SLC25A48: variants seen among roughly 807,000 people sequenced by gnomAD.
SLC25A48 encodes solute carrier family 25 member 48, also known as CTC-321K16.1.
In SLC25A48, 29 loss-of-function variants were observed where a neutral mutation model predicts 32.2. The observed-to-expected ratio is 0.90, with a 90% CI of 0.67 to 1.23. The LOEUF (loss-of-function observed/expected upper bound fraction) is 1.23. Ranked by LOEUF, SLC25A48 falls within the 50% of genes most tolerant of loss-of-function variation. The pLI is 0.00. For synonymous variants in SLC25A48, 164 were observed against 172.3 expected (o/e 0.95, Z 0.38); for missense variants, 399 against 422.7 (o/e 0.94, Z 0.49).
intron 1 of SLC25A48, among the ~76,000 whole-genome samples, chr5:135,620,274 G>A (rs899345750): frequency 6.6e-6 from 1 of 152,166 alleles, no homozygotes; most frequent in African/African-American, 2.4e-5. Context: ...TGGTGGGCTA[G>A]GCTGGGCAAT....
At position 135,849,661 on chromosome 5, in the gene SLC25A48, A is replaced by T. The variant is rs576067844; in HGVS notation, c.91-764A>T. 3.3e-5 allele frequency among the ~76,000 whole-genome samples: 5 copies of T among 152,240 alleles called. No individual in the cohort carries two copies. In the South Asian group the frequency reaches 1.0e-3, roughly 32 times the overall value. The stretch of plus-strand genomic sequence containing the variant: ...GTCCTACATAAACTCTATATAATCA[A>T]ATACATAGGGCCACTGCGACATTTC... On this transcript the variant is annotated intron_variant, in intron 2 of 7. Coordinates refer to ENST00000681962, the MANE Select transcript of SLC25A48 (RefSeq NM_001349336.2).
chr5:135,801,510 G>A (rs929893962), intron 3 of SLC25A48, among the ~76,000 whole-genome samples: 1 of 150,476 alleles, frequency 6.6e-6, no homozygotes, highest in Admixed American at 6.6e-5. Context: ...CTGTGATGTT[G>A]TTAATAATAT....
chr5:135,674,941 C>T (rs1346749411), intron 3 of SLC25A48, among the ~76,000 whole-genome samples: 1 of 151,192 alleles, frequency 6.6e-6, no homozygotes, highest in East Asian at 1.9e-4. Flanking sequence ...TATTCATTTT[C>T]CATAGTGGTT....
At chr5:135,678,480 G>C (rs11950433) in intron 3 of SLC25A48, among the ~76,000 whole-genome samples, 114,829 of 152,048 alleles carry the variant, frequency 0.76, 44,253 homozygotes, top group Middle Eastern at 0.86. Context: ...ATCTCACTGG[G>C]CTTTTTAAAT....
chr5:135,879,583 GGA>G (rs371969525), intron 6 of SLC25A48, among the ~76,000 whole-genome samples: 3,144 of 143,062 alleles, frequency 0.022, 44 homozygotes, highest in Non-Finnish European at 0.029. Context: ...AGATTCCCGA[GGA>G]GAGAGAGAGA....
At chr5:135,619,864 A>C (rs1752281405) in intron 1 of SLC25A48, among the ~76,000 whole-genome samples, 1 of 152,152 alleles carries the variant, frequency 6.6e-6, no homozygotes, top group Non-Finnish European at 1.5e-5. Flanking sequence ...AGTGGGCCAT[A>C]CTTTGGGGAC....
At chr5:135,726,279 G>A (rs1054585985) in intron 3 of SLC25A48, among the ~76,000 whole-genome samples, 11 of 152,198 alleles carry the variant, frequency 7.2e-5, no homozygotes, top group Non-Finnish European at 1.3e-4. Context: ...AGGTTCACAT[G>A]CAGTTGTAAG....
chr5:135,631,522 T>A (rs1752570440), intron 2 of SLC25A48, among the ~76,000 whole-genome samples: 1 of 152,138 alleles, frequency 6.6e-6, no homozygotes, highest in Non-Finnish European at 1.5e-5. Flanking sequence ...TTTAGAAAGG[T>A]TTCAGGCCTA....
At chr5:135,845,889 G>C (rs78984961) in intron 2 of SLC25A48, among the ~76,000 whole-genome samples, 1 of 152,192 alleles carries the variant, frequency 6.6e-6, no homozygotes, top group African/African-American at 2.4e-5. Context: ...CTTAGGTTGA[G>C]GAGGCCTGGC....
At chr5:135,648,931 G>A (rs1753035009) in intron 3 of SLC25A48, 1 of 152,268 alleles carries the variant, frequency 6.6e-6, no homozygotes, top group Non-Finnish European at 1.5e-5. Flanking sequence ...CAGAACTGGG[G>A]CAAACCAGCA....
chr5:135,837,473 T>C (rs1758632693), intron 1 of SLC25A48, among the ~76,000 whole-genome samples: 1 of 152,218 alleles, frequency 6.6e-6, no homozygotes, highest in Non-Finnish European at 1.5e-5. Flanking sequence ...ACAGTTTCCC[T>C]TTCAATTTCA....
intron 3 of SLC25A48, chr5:135,653,797 A>G (rs1402259543): frequency 2.2e-6 from 1 of 456,188 alleles, no homozygotes; most frequent in Non-Finnish European, 4.4e-6. Context: ...GTGGCCAGAG[A>G]AGGAATATCT....
chr5:135,742,702 C>T (rs1190959556), intron 3 of SLC25A48: 1 of 425,422 alleles, frequency 2.4e-6, no homozygotes, highest in Non-Finnish European at 4.3e-6. Flanking sequence ...TTAAAAGTAT[C>T]CTCTGAAATA....
intron 3 of SLC25A48, among the ~76,000 whole-genome samples, chr5:135,702,578 C>A (rs1358459562): frequency 3.3e-5 from 5 of 152,238 alleles, no homozygotes; most frequent in Admixed American, 6.5e-5. Flanking sequence ...AAGCCACAGG[C>A]AAAGTTTGTG....
chr5:135,835,176 C>G, intron 1 of SLC25A48: 1 of 646,902 alleles, frequency 1.5e-6, no homozygotes, highest in Admixed American at 2.1e-5. Flanking sequence ...CTCGTCAAAG[C>G]CCACAGCCAA....
chr5:135,789,110 C>T (rs1220558305), intron 3 of SLC25A48, among the ~76,000 whole-genome samples: 2 of 56,406 alleles, frequency 3.5e-5, no homozygotes, highest in Non-Finnish European at 5.2e-5. Flanking sequence ...TCCTATGTGG[C>T]AGGGGGTGTA....
chr5:135,657,769 C>G (rs1297822176), intron 3 of SLC25A48, among the ~76,000 whole-genome samples: 2 of 152,224 alleles, frequency 1.3e-5, no homozygotes, highest in Admixed American at 1.3e-4. Flanking sequence ...CTGTGGGTGA[C>G]AGCCAACTGG....
At chr5:135,779,156 G>T (rs1319758749) in intron 3 of SLC25A48, among the ~76,000 whole-genome samples, 3 of 151,980 alleles carry the variant, frequency 2.0e-5, no homozygotes, top group African/African-American at 7.2e-5. Flanking sequence ...CCCCCTCTGT[G>T]ATATTGTTCC....
chr5:135,816,793 A>G (rs1362660277), intron 4 of SLC25A48, among the ~76,000 whole-genome samples: 1 of 152,254 alleles, frequency 6.6e-6, no homozygotes, highest in Non-Finnish European at 1.5e-5. Context: ...ACACAGGACA[A>G]TGATCCAAAG....
Sources: allele counts gnomAD v4.1 joint callset (sites outside exome capture counted in the v4.1 genomes callset), GRCh38; gene constraint gnomAD v4.1.1; transcripts MANE v1.5; gene names NCBI Gene and HGNC (gene_info 2026-07-23, HGNC 2026-07-21).